Variants in BCKDHB observed in about 807,000 individuals in gnomAD.
BCKDHB encodes branched chain keto acid dehydrogenase E1 subunit beta, also known as 2-oxoisovalerate dehydrogenase subunit beta, mitochondrial.
BCKDHB carries 41 observed loss-of-function variants against 48.5 expected under a neutral mutation model. That is an observed-to-expected ratio of 0.85 (90% CI 0.66 to 1.10). The LOEUF (loss-of-function observed/expected upper bound fraction) is 1.10. BCKDHB is among the 50% of genes least tolerant of loss of function. BCKDHB has a pLI of 0.00. For synonymous variants in BCKDHB, 201 were observed against 174.8 expected, an observed-to-expected ratio of 1.15 and a Z score of -1.18; for missense variants, 496 against 494.2, an observed-to-expected ratio of 1.00 and a Z score of -0.03.
chr6:80,396,302 C>T, the BCKDHB span, among the ~76,000 whole-genome samples: 1 of 152,328 alleles, frequency 6.6e-6, no homozygotes, highest in African/African-American at 2.4e-5. Context: ...TGGCCACTTT[C>T]TCCCATTTAA....
chr6:80,250,796 T>C (rs555371989), intron 8 of BCKDHB, among the ~76,000 whole-genome samples: 1 of 152,292 alleles, frequency 6.6e-6, no homozygotes, highest in African/African-American at 2.4e-5. Context: ...CTAAGCTTAA[T>C]TACTGGTTCC....
chr6:80,218,731 C>G (rs1295554738), intron 8 of BCKDHB, among the ~76,000 whole-genome samples: 1 of 152,168 alleles, frequency 6.6e-6, no homozygotes, highest in African/African-American at 2.4e-5. Context: ...CCCTCTACTC[C>G]TATATCCACT....
At chr6:80,420,926 GA>G in the BCKDHB span, among the ~76,000 whole-genome samples, 1 of 152,180 alleles carries the variant, frequency 6.6e-6, no homozygotes, top group Non-Finnish European at 1.5e-5. Flanking sequence ...CTTGGGGGAT[GA>G]GTGACATGTA....
chr6:80,210,156 C>CAAAAAAAA (rs1774854954), intron 8 of BCKDHB, among the ~76,000 whole-genome samples: 1 of 139,706 alleles, frequency 7.2e-6, no homozygotes, highest in Non-Finnish European at 1.5e-5. Flanking sequence ...AAAAAAAAAC[C>CAAAAAAAA]AGAAGCGTTC....
At chr6:80,121,857 G>A (rs1483221003) in intron 1 of BCKDHB, among the ~76,000 whole-genome samples, 4 of 152,050 alleles carry the variant, frequency 2.6e-5, no homozygotes, top group African/African-American at 9.7e-5. Flanking sequence ...TGTTTCTCTT[G>A]CCTGATTGCG....
At chr6:80,415,523 A>T in the BCKDHB span, among the ~76,000 whole-genome samples, 1 of 152,118 alleles carries the variant, frequency 6.6e-6, no homozygotes. Flanking sequence ...AATCTATTGA[A>T]ATAATCATGT....
At chr6:80,170,454 A>T (rs1360221219) in intron 5 of BCKDHB, among the ~76,000 whole-genome samples, 7 of 152,172 alleles carry the variant, frequency 4.6e-5, no homozygotes, top group Non-Finnish European at 1.0e-4. Flanking sequence ...TAAGAGCTTG[A>T]GCTTTGGTAT....
At chr6:80,449,529 C>T in the BCKDHB span, among the ~76,000 whole-genome samples, 2 of 152,044 alleles carry the variant, frequency 1.3e-5, no homozygotes, top group Non-Finnish European at 1.5e-5. Flanking sequence ...AAGGTTATGT[C>T]GAGGAGACGT....
At chr6:80,386,461 C>A in the BCKDHB span, among the ~76,000 whole-genome samples, 1 of 143,910 alleles carries the variant, frequency 6.9e-6, no homozygotes, top group Non-Finnish European at 1.5e-5. Context: ...CGATGCCTTG[C>A]AAAATAGATT....
intron 9 of BCKDHB, among the ~76,000 whole-genome samples, chr6:80,302,990 TA>T (rs1429210202): frequency 6.6e-6 from 1 of 151,958 alleles, no homozygotes; most frequent in East Asian, 1.9e-4. Context: ...TAATGATGCT[TA>T]AAAAAAGAGC....
the BCKDHB span, among the ~76,000 whole-genome samples, chr6:80,455,859 C>G: frequency 6.6e-6 from 1 of 152,072 alleles, no homozygotes; most frequent in Admixed American, 6.6e-5. Flanking sequence ...AAAAGAAGAC[C>G]ATTGACGTTG....
chr6:80,328,081 A>G (rs1280091916), intron 9 of BCKDHB, among the ~76,000 whole-genome samples: 3 of 151,990 alleles, frequency 2.0e-5, no homozygotes, highest in South Asian at 2.1e-4. Context: ...TGTTCAGACT[A>G]TGTTTCTGTT....
intron 9 of BCKDHB, among the ~76,000 whole-genome samples, chr6:80,335,113 G>C (rs1013332880): frequency 6.6e-6 from 1 of 150,706 alleles, no homozygotes; most frequent in Non-Finnish European, 1.5e-5. Context: ...AATTCTAAAA[G>C]AATATGTTTT....
At chr6:80,434,263 A>G in the BCKDHB span, among the ~76,000 whole-genome samples, 2 of 151,362 alleles carry the variant, frequency 1.3e-5, no homozygotes, top group African/African-American at 4.9e-5. Context: ...ATTTCTCTCT[A>G]TATCATTTAA....
the BCKDHB span, among the ~76,000 whole-genome samples, chr6:80,390,982 C>T: frequency 2.0e-5 from 3 of 152,008 alleles, no homozygotes; most frequent in African/African-American, 7.2e-5. Context: ...GCCTAGCCTC[C>T]CAGCCCACAG....
At chr6:80,161,434 G>A (rs1772312289) in intron 3 of BCKDHB, among the ~76,000 whole-genome samples, 1 of 151,826 alleles carries the variant, frequency 6.6e-6, no homozygotes, top group Non-Finnish European at 1.5e-5. Flanking sequence ...GCTGAGAATG[G>A]GGCAGAAAAA....
chr6:80,305,191 A>G (rs1767798636), intron 9 of BCKDHB, among the ~76,000 whole-genome samples: 2 of 152,162 alleles, frequency 1.3e-5, no homozygotes, highest in African/African-American at 4.8e-5. Context: ...ATTGAAAATA[A>G]AAACTTTAAA....
At chr6:80,231,356 A>C (rs1775915550) in intron 8 of BCKDHB, among the ~76,000 whole-genome samples, 1 of 152,252 alleles carries the variant, frequency 6.6e-6, no homozygotes, top group Admixed American at 6.5e-5. Context: ...GCTACATAAA[A>C]AAGGAATGTT....
Position 80,344,287 on chromosome 6 carries a change from G to A in BCKDHB, c.*483G>A. 4.9e-6 allele frequency: 1 copy of A among 202,642 alleles called. No individual in the cohort carries two copies. Among genetic ancestry groups the A allele is most frequent in the East Asian group, 1.3e-4 (1 of 7,764 alleles). 12.6% of individuals were successfully genotyped at this position (202,642 alleles called of 1,614,324 possible). ...CCCAAAGTGCTGGGATTACAGGCAT[G>A]AGCCACTGCACCTGGCTATATTTAC... On this transcript the variant is annotated 3_prime_UTR_variant, in exon 10 of 10. Coordinates refer to ENST00000320393, the MANE Select transcript of BCKDHB (RefSeq NM_183050.4).
Sources: gnomAD v4.1 joint callset for allele counts (sites outside exome capture counted in the v4.1 genomes callset) on GRCh38, gnomAD v4.1.1 for gene constraint, MANE v1.5 for transcripts, NCBI Gene and HGNC (gene_info 2026-07-23, HGNC 2026-07-21) for gene names.